TRPM3: variants seen among roughly 807,000 people sequenced by gnomAD.
The protein encoded by TRPM3 is transient receptor potential cation channel subfamily M member 3, also known as long transient receptor potential channel 3.
In TRPM3, 77 loss-of-function variants were observed where a neutral mutation model predicts 181.2. The ratio of observed to expected loss-of-function variants is 0.42; its 90% CI spans 0.35 to 0.51. The LOEUF (loss-of-function observed/expected upper bound fraction) is 0.51. Ranked by LOEUF, TRPM3 falls within the 20% of genes least tolerant of loss-of-function variation. TRPM3 has a pLI of 0.01. For synonymous variants in TRPM3, 745 were observed against 796.4 expected, an observed-to-expected ratio of 0.94 and a Z score of 1.09; for missense variants, 1,759 against 2,196.7, an observed-to-expected ratio of 0.80 and a Z score of 3.98.
chr9:71,371,168 GC>G lies in TRPM3; in HGVS notation c.183+75484del, dbSNP rs1192214811. ...ACACGGAGTTGAATGTTGTTTTCAT[GC>G]CTGCTGACACAACATACATTCTGCA... is the stretch of plus-strand genomic sequence containing the variant. On this transcript the variant is annotated intron_variant, in intron 1 of 24. Coordinates refer to the TRPM3 transcript ENST00000357533. Among the ~76,000 whole-genome samples, 3 of 152,086 alleles carry G rather than the reference GC, an allele frequency of 2.0e-5. No homozygotes were observed. In the East Asian group the frequency reaches 5.8e-4, roughly 29 times the overall value.
chr9:71,339,971 T>C (rs1000320166), intron 1 of TRPM3, among the ~76,000 whole-genome samples: 2 of 152,122 alleles, frequency 1.3e-5, no homozygotes, highest in African/African-American at 4.8e-5. Flanking sequence ...ATGGTCACAC[T>C]GAGTAGATCC....
At chr9:70,785,530 C>T (rs2083421088) in intron 6 of TRPM3, among the ~76,000 whole-genome samples, 2 of 152,292 alleles carry the variant, frequency 1.3e-5, no homozygotes, top group South Asian at 4.1e-4. Context: ...AATCAAAATT[C>T]TGTACTACTT....
intron 1 of TRPM3, among the ~76,000 whole-genome samples, chr9:71,107,591 T>C (rs1241626307): frequency 2.0e-5 from 3 of 152,210 alleles, no homozygotes; most frequent in Admixed American, 6.5e-5. Context: ...CAATAGATGA[T>C]TGTAGAATGA....
At chr9:71,123,436 T>G (rs1396278002), upstream of TRPM3, among the ~76,000 whole-genome samples, 7 of 152,194 alleles carry the variant, frequency 4.6e-5, no homozygotes, top group Admixed American at 3.9e-4. Context: ...TAAACCCTTA[T>G]GCCTATGGTT....
At chr9:70,670,107 A>C (rs548783406) in intron 9 of TRPM3, among the ~76,000 whole-genome samples, 34 of 152,212 alleles carry the variant, frequency 2.2e-4, no homozygotes, top group South Asian at 2.1e-3. Flanking sequence ...AGATAGTATG[A>C]TACTGCGAAA....
At chr9:71,194,645 C>G (rs549408588) in intron 1 of TRPM3, among the ~76,000 whole-genome samples, 8 of 152,054 alleles carry the variant, frequency 5.3e-5, no homozygotes, top group Admixed American at 1.3e-4. Flanking sequence ...AGGTGAATTC[C>G]TACTGCGTGA....
chr9:71,222,616 C>T (rs898601795), intron 1 of TRPM3, among the ~76,000 whole-genome samples: 3 of 152,190 alleles, frequency 2.0e-5, no homozygotes, highest in Non-Finnish European at 4.4e-5. Flanking sequence ...TGAGCAATCA[C>T]ATTAAGTGGT....
chr9:71,011,906 G>A (rs1003677951), intron 1 of TRPM3, among the ~76,000 whole-genome samples: 129 of 150,438 alleles, frequency 8.6e-4, no homozygotes, highest in African/African-American at 3.0e-3. Context: ...TCAGCCGCCC[G>A]AGCAACTGGG....
intron 7 of TRPM3, among the ~76,000 whole-genome samples, chr9:70,764,271 A>G (rs191788147): frequency 2.2e-4 from 33 of 152,302 alleles, no homozygotes; most frequent in African/African-American, 7.9e-4. Flanking sequence ...CAAGTGGATG[A>G]GTCTATAGAG....
intron 1 of TRPM3, among the ~76,000 whole-genome samples, chr9:71,385,844 A>G (rs2092910315): frequency 6.6e-6 from 1 of 151,868 alleles, no homozygotes; most frequent in Non-Finnish European, 1.5e-5. Flanking sequence ...AGCTGAGACT[A>G]CAGGTGTGCA....
chr9:70,791,310 A>G (rs11142595), intron 6 of TRPM3, among the ~76,000 whole-genome samples: 2 of 152,074 alleles, frequency 1.3e-5, no homozygotes, highest in Non-Finnish European at 2.9e-5. Context: ...GTACCACACA[A>G]GTTATTAAAC....
At chr9:71,013,569 G>A (rs2097762596) in intron 1 of TRPM3, among the ~76,000 whole-genome samples, 1 of 151,892 alleles carries the variant, frequency 6.6e-6, no homozygotes, top group Non-Finnish European at 1.5e-5. Context: ...CTGAAGAAGT[G>A]TTGTTTGGTG....
At chr9:71,406,670 T>C (rs933917606) in intron 1 of TRPM3, among the ~76,000 whole-genome samples, 9 of 152,214 alleles carry the variant, frequency 5.9e-5, no homozygotes, top group East Asian at 3.8e-4. Context: ...GCATCTATTT[T>C]GTTCAATCAT....
At chr9:70,925,182 AAC>A (rs2096708709) in intron 1 of TRPM3, among the ~76,000 whole-genome samples, 1 of 152,178 alleles carries the variant, frequency 6.6e-6, no homozygotes, top group African/African-American at 2.4e-5. Context: ...AGCAAATGAT[AAC>A]TTTTGATTGA....
At chr9:70,905,356 T>C (rs945130410) in intron 1 of TRPM3, among the ~76,000 whole-genome samples, 1 of 152,208 alleles carries the variant, frequency 6.6e-6, no homozygotes, top group Non-Finnish European at 1.5e-5. Context: ...CAATATTCCC[T>C]AAACGAATGT....
chr9:70,699,885 T>C (rs1383179494), intron 8 of TRPM3, among the ~76,000 whole-genome samples: 1 of 152,130 alleles, frequency 6.6e-6, no homozygotes, highest in Non-Finnish European at 1.5e-5. Context: ...TCATAAGGCA[T>C]GTTGACTTAC....
At chr9:70,994,650 C>G (rs180948544) in intron 1 of TRPM3, among the ~76,000 whole-genome samples, 133 of 152,194 alleles carry the variant, frequency 8.7e-4, no homozygotes, top group Middle Eastern at 3.4e-3. Flanking sequence ...CTTTCTGCCT[C>G]CAGACCATCT....
chr9:70,815,633 G>A (rs12003052), intron 6 of TRPM3, among the ~76,000 whole-genome samples: 41,976 of 151,930 alleles, frequency 0.28, 7,348 homozygotes, highest in African/African-American at 0.5. Context: ...ATCTTCCTGC[G>A]GATAGATTTT....
chr9:71,250,245 A>C (rs2082267887), intron 1 of TRPM3, among the ~76,000 whole-genome samples: 1 of 152,174 alleles, frequency 6.6e-6, no homozygotes, highest in Admixed American at 6.5e-5. Context: ...TGAAGCTATA[A>C]TTTTTACCTT....
Sources: allele counts gnomAD v4.1 joint callset (sites outside exome capture counted in the v4.1 genomes callset), GRCh38; gene constraint gnomAD v4.1.1; transcripts MANE v1.5; gene names NCBI Gene and HGNC (gene_info 2026-07-23, HGNC 2026-07-21).